Variants in PKD2L2 observed in about 807,000 individuals in gnomAD.
The protein encoded by PKD2L2 is polycystin-2-like protein 2.
PKD2L2 carries 67 observed loss-of-function variants against 83.9 expected under a neutral mutation model. The ratio of observed to expected loss-of-function variants is 0.80; its 90% confidence interval spans 0.66 to 0.98. The LOEUF is 0.98. Among genes scored for constraint, PKD2L2 ranks in the 50% least tolerant of loss-of-function variants. The pLI, the probability that PKD2L2 is intolerant of heterozygous loss-of-function variation, is 0.00. For synonymous variants in PKD2L2, 223 were observed against 237.8 expected, an observed-to-expected ratio of 0.94 and a Z score of 0.57; for missense variants, 632 against 717.2, an observed-to-expected ratio of 0.88 and a Z score of 1.36.
At chr5:137,917,349 A>G (rs1339048283) in intron 8 of PKD2L2, among the ~76,000 whole-genome samples, 1 of 151,746 alleles carries the variant, frequency 6.6e-6, no homozygotes, top group African/African-American at 2.4e-5. Context: ...TTTTTAGTAG[A>G]GTCTGGGTTT....
chr5:137,936,401 A>G lies in PKD2L2; in HGVS notation c.1866A>G (p.Ser622=). The change falls in exon 14 of 15, where the codon TCA becomes TCG. Residue 622 remains serine, a synonymous_variant. Coordinates refer to ENST00000508883, the MANE Select transcript of PKD2L2 (RefSeq NM_001300921.2). ...TAAATCAAGTGGTGAGAAAGGTTTC[A>G]GCTCTATAGTATTGAGACAAGTGGA... The part of the protein sequence containing the change: ...LKLNQVVRKV[S]AL 5 of 1,535,110 alleles carry G rather than the reference A, an allele frequency of 3.3e-6. No homozygotes were observed. Among genetic ancestry groups the G allele is most frequent in the Non-Finnish European group, 4.4e-6 (5 of 1,145,856 alleles).
intron 14 of PKD2L2, chr5:137,940,221 T>C (rs755992514): frequency 6.2e-7 from 1 of 1,613,950 alleles, no homozygotes; most frequent in Non-Finnish European, 8.5e-7. Context: ...TCAAGGAACG[T>C]ATCTTATATG....
At chr5:137,941,857 T>TAG in intron 14 of PKD2L2, 1 of 1,129,560 alleles carries the variant, frequency 8.9e-7, no homozygotes, top group Non-Finnish European at 1.3e-6. Context: ...GCACAATTTC[T>TAG]AATCCCACGT....
intron 5 of PKD2L2, among the ~76,000 whole-genome samples, chr5:137,901,359 A>C (rs1175896384): frequency 6.6e-6 from 1 of 152,166 alleles, no homozygotes; most frequent in African/African-American, 2.4e-5. Flanking sequence ...ATTGAGGAGA[A>C]AGGATATCTG....
At chr5:137,897,036 T>A (rs1323461683) in intron 4 of PKD2L2, among the ~76,000 whole-genome samples, 2 of 2,582 alleles carry the variant, frequency 7.7e-4, no homozygotes, top group African/African-American at 1.2e-3. Flanking sequence ...CATTATTATA[T>A]TATTATTATT....
At chr5:137,933,780 T>C (rs897354192) in intron 12 of PKD2L2, among the ~76,000 whole-genome samples, 1 of 152,214 alleles carries the variant, frequency 6.6e-6, no homozygotes, top group Non-Finnish European at 1.5e-5. Flanking sequence ...GGGCACAGTC[T>C]GCTCTGTGCT....
intron 8 of PKD2L2, among the ~76,000 whole-genome samples, chr5:137,910,655 C>T (rs1037091194): frequency 3.3e-5 from 5 of 151,720 alleles, no homozygotes; most frequent in Non-Finnish European, 7.4e-5. Flanking sequence ...TGGTGTATGC[C>T]TGTAATCCCA....
At chr5:137,892,704 A>G in intron 3 of PKD2L2, 91 bp downstream of exon 3, 1 of 992,574 alleles carries the variant, frequency 1.0e-6, no homozygotes, top group Admixed American at 2.7e-5. Flanking sequence ...TATCTTTTGA[A>G]GAAATGAATA....
At chr5:137,923,359 A>AAC in intron 9 of PKD2L2, 61 bp from the exon 10 acceptor site, 1 of 842,956 alleles carries the variant, frequency 1.2e-6, no homozygotes, top group Non-Finnish European at 1.9e-6. Flanking sequence ...AAAACTTGTT[A>AAC]AAGTCATTAA....
At chr5:137,899,935 C>A (rs1756810578) in intron 5 of PKD2L2, among the ~76,000 whole-genome samples, 198 bp downstream of exon 5, 1 of 151,854 alleles carries the variant, frequency 6.6e-6, no homozygotes, top group Non-Finnish European at 1.5e-5. Flanking sequence ...AACCATGTAA[C>A]CTAGAAATAC....
In PKD2L2 at chr5:137,892,459, AC is replaced by A; in HGVS notation, c.134-20del. 1 of 1,352,448 alleles carries A rather than the reference AC, an allele frequency of 7.4e-7. No homozygotes were observed. The highest frequency in any genetic ancestry group is 9.9e-7 in the Non-Finnish European group (1 of 1,011,294). The allele number at this position is 1,352,448 out of a possible 1,614,324, so 83.8% of individuals were successfully genotyped here. A position where few individuals can be genotyped will look rare whatever the true frequency, so the allele number is the denominator to read the frequency against. On this transcript the variant is annotated intron_variant, in intron 2 of 14. Transcript: ENST00000508883. ...TGAGTTTTTAAATGTAAATTATTAAACAAAAAATTATTCTCCTTAGTGACTT... is the reference window on the plus strand; with the variant it reads ...TGAGTTTTTAAATGTAAATTATTAAAAAAAAATTATTCTCCTTAGTGACTT...
intron 14 of PKD2L2, 37 bp downstream of exon 14, chr5:137,936,464 T>G: frequency 6.6e-7 from 1 of 1,512,948 alleles, no homozygotes; most frequent in Non-Finnish European, 8.8e-7. Context: ...GCATTTCTTT[T>G]TTTTTTTTTG....
At chr5:137,921,276 G>C (rs1024109522) in intron 8 of PKD2L2, among the ~76,000 whole-genome samples, 7 of 151,552 alleles carry the variant, frequency 4.6e-5, no homozygotes, top group African/African-American at 1.7e-4. Flanking sequence ...CAGGAGTATT[G>C]CCTGAACCTG....
Sources: allele counts gnomAD v4.1 joint callset (sites outside exome capture counted in the v4.1 genomes callset), GRCh38; gene constraint gnomAD v4.1.1; transcripts MANE v1.5; gene names NCBI Gene and HGNC (gene_info 2026-07-23, HGNC 2026-07-21).